The following TFCP2 variants were observed in gnomAD, a reference collection of about 807,000 sequenced individuals.
TFCP2 encodes alpha-globin transcription factor CP2.
Under a neutral mutation model 73.4 loss-of-function variants are expected in TFCP2, and 33 were observed. The ratio of observed to expected loss-of-function variants is 0.45; its 90% CI spans 0.34 to 0.60. The LOEUF (loss-of-function observed/expected upper bound fraction) is 0.60. TFCP2 is among the 20% of genes least tolerant of loss of function. TFCP2 has a pLI of 0.01. For missense variants in TFCP2, 352 were observed against 604.0 expected (o/e 0.58, Z 4.37); for synonymous variants, 193 against 211.6 (o/e 0.91, Z 0.76).
intron 1 of TFCP2, among the ~76,000 whole-genome samples, chr12:51,157,308 C>T (rs574938757): frequency 2.6e-5 from 4 of 152,216 alleles, no homozygotes; most frequent in Non-Finnish European, 4.4e-5. Flanking sequence ...AGGCGTGAGA[C>T]ACTGTGCCCG....
In TFCP2 at chr12:51,126,603, G is replaced by C. The variant is rs1483124006; in HGVS notation, c.123-7831C>G. Among the ~76,000 whole-genome samples, 4 of 152,210 alleles carry C rather than the reference G, an allele frequency of 2.6e-5. No homozygotes were observed. The East Asian group carries it at 5.8e-4, about 22-fold the overall frequency. ...GAAAAGGGAGAAGGAGAGGGTTGAA[G>C]AGTGTTACCTTGAGTAAGAAAGGCA... On this transcript the variant is annotated intron_variant, in intron 1 of 14. Transcript: ENST00000257915.
intron 1 of TFCP2, among the ~76,000 whole-genome samples, chr12:51,120,214 C>CAAA (rs1483325074): frequency 8.6e-6 from 1 of 116,882 alleles, no homozygotes; most frequent in African/African-American, 3.1e-5. Flanking sequence ...ACAACAACAA[C>CAAA]AACAAAAAAA....
At chr12:51,171,226 TC>T (rs1247619080) in intron 1 of TFCP2, among the ~76,000 whole-genome samples, 2 of 152,164 alleles carry the variant, frequency 1.3e-5, no homozygotes, top group African/African-American at 4.8e-5. Flanking sequence ...CCAATTATAG[TC>T]CATCTACCCC....
At chr12:51,107,192 TA>T in intron 7 of TFCP2, 43 bp downstream of exon 7, 2 of 1,505,876 alleles carry the variant, frequency 1.3e-6, no homozygotes, top group South Asian at 2.4e-5. Context: ...TTTTTAAGAT[TA>T]AAAATTATGA....
Position 51,102,021 on chromosome 12 carries a change from T to C in TFCP2, c.1065A>G (p.Ala355=). The C allele has an allele frequency of 1.9e-6, 3 of 1,606,762 alleles. No homozygotes were observed. Among genetic ancestry groups the C allele is most frequent in the Non-Finnish European group, 2.6e-6 (3 of 1,173,636 alleles). ...CATCTCTAGTTAATTTCAATAAATC[T>C]GCCCCTGGAATAAATATAAGAAAAT... ...FTRLFTNFSG[A]DLLKLTRDDV... is the part of the protein sequence containing the mutation. The change falls in exon 11 of 15, where the codon GCA becomes GCG. Residue 355 remains alanine, a synonymous_variant. Transcript: ENST00000257915.
In TFCP2 at chr12:51,096,223, T is replaced by C. The variant is rs1939963621; in HGVS notation, c.1420-183A>G. ...TTTTCCTCCCCTCCCATTTGGTTTTTAAATATTAAAAAACTAAGCAGATTG... is the reference window on the plus strand; with the variant it reads ...TTTTCCTCCCCTCCCATTTGGTTTTCAAATATTAAAAAACTAAGCAGATTG... On this transcript the variant is annotated intron_variant, in intron 13 of 14. Transcript: ENST00000257915. Among the ~76,000 whole-genome samples the C allele has an allele frequency of 3.3e-5, 5 of 152,194 alleles. No individual in the cohort carries two copies. In the South Asian group the frequency reaches 1.0e-3, roughly 31 times the overall value.
chr12:51,118,816 C>G, intron 1 of TFCP2, 44 bp from the exon 2 acceptor site: 1 of 1,602,168 alleles, frequency 6.2e-7, no homozygotes, highest in Non-Finnish European at 8.5e-7. Flanking sequence ...GGCAATGGTG[C>G]AAACGCAGGT....
At chr12:51,112,545 T>C (rs4768967) in intron 4 of TFCP2, among the ~76,000 whole-genome samples, 119,242 of 152,060 alleles carry the variant, frequency 0.78, 46,910 homozygotes, top group Admixed American at 0.83. Flanking sequence ...CATTATATCA[T>C]GAATGAAAGT....
At chr12:51,159,637 G>A (rs764566081) in intron 1 of TFCP2, among the ~76,000 whole-genome samples, 10 of 151,864 alleles carry the variant, frequency 6.6e-5, no homozygotes, top group South Asian at 2.1e-4. Flanking sequence ...AATTCCGACC[G>A]GAGCACAGAT....
chr12:51,111,100 T>A, intron 4 of TFCP2, 117 bp from the exon 5 acceptor site: 1 of 668,434 alleles, frequency 1.5e-6, no homozygotes, highest in Non-Finnish European at 2.5e-6. Context: ...TATCACATCC[T>A]AAATTTCTTT....
At chr12:51,155,195 G>A (rs1274507727) in intron 1 of TFCP2, among the ~76,000 whole-genome samples, 2 of 152,144 alleles carry the variant, frequency 1.3e-5, no homozygotes, top group Admixed American at 1.3e-4. Context: ...AGGTTTTCAG[G>A]CCTTCAGCCT....
chr12:51,108,831 C>T (rs2136971306), intron 6 of TFCP2, among the ~76,000 whole-genome samples: 1 of 152,232 alleles, frequency 6.6e-6, no homozygotes, highest in East Asian at 1.9e-4. Flanking sequence ...CATAACTAGT[C>T]AATTTTTGTG....
intron 11 of TFCP2, 140 bp downstream of exon 11, chr12:51,101,795 C>A: frequency 1.9e-6 from 1 of 521,572 alleles, no homozygotes; most frequent in East Asian, 2.9e-5. Flanking sequence ...TTTCTAAAAT[C>A]TTTATTTGGT....
chr12:51,109,715 ATTTTTT>A (rs10531546), intron 5 of TFCP2, among the ~76,000 whole-genome samples: 1 of 135,222 alleles, frequency 7.4e-6, no homozygotes, highest in African/African-American at 2.7e-5. Flanking sequence ...AGATTGGTGA[ATTTTTT>A]TTTTTTTTTT....
At chr12:51,153,705 C>T (rs1941478100) in intron 1 of TFCP2, among the ~76,000 whole-genome samples, 2 of 152,138 alleles carry the variant, frequency 1.3e-5, no homozygotes, top group South Asian at 4.2e-4. Context: ...AAAGTTTATC[C>T]ATATTATATT....
intron 1 of TFCP2, among the ~76,000 whole-genome samples, chr12:51,134,443 C>A (rs1941018206): frequency 6.6e-6 from 1 of 152,046 alleles, no homozygotes; most frequent in African/African-American, 2.4e-5. Flanking sequence ...CACCACCATG[C>A]CCACCTATTT....
In TFCP2 at chr12:51,117,730, G is replaced by C; in HGVS notation, c.292C>G (p.Arg98Gly). The change falls in exon 3 of 15, where the codon CGA (arginine) becomes GGA (glycine). Residue 98 changes from arginine (R) to glycine (G), a missense_variant. By Grantham distance (125) the Arg-to-Gly change is moderately radical. This residue lies in a region of TFCP2 where 76 missense variants were observed against 163.2 expected (regional missense o/e 0.47). Coordinates refer to ENST00000257915, the MANE Select transcript of TFCP2 (RefSeq NM_005653.5). ...CCAAGTTTCCTATTGTCTAGCATTC[G>C]AATTTCATAAGACTGTCCTAGAAGA... ...YLNQGQSYEIRMLDNRKLGEL... is the reference protein window; with the variant it reads ...YLNQGQSYEIGMLDNRKLGEL... 6.2e-7 allele frequency: 1 copy of C among 1,611,854 alleles called. No homozygotes were observed. The highest frequency in any genetic ancestry group is 8.5e-7 in the Non-Finnish European group (1 of 1,178,812).
At chr12:51,099,921 AT>A in intron 11 of TFCP2, 142 bp from the exon 12 acceptor site, 1 of 1,034,542 alleles carries the variant, frequency 9.7e-7, no homozygotes, top group Non-Finnish European at 1.4e-6. Flanking sequence ...TTAATTTGCT[AT>A]GTTTTATTAG....
At position 51,096,040 on chromosome 12, in the gene TFCP2, T is replaced by C. The variant is rs777662464; in HGVS notation, c.1420A>G (p.Met474Val). Reference protein sequence around the residue: ...TGIHVLISDEMIQNFQEEACF... With the variant: ...TGIHVLISDEVIQNFQEEACF... ...GCTTCTTCCTGAAAGTTCTGTATCATCTGAAAAATGCAAGAAAATTTGTGA... is the reference window on the plus strand; with the variant it reads ...GCTTCTTCCTGAAAGTTCTGTATCACCTGAAAAATGCAAGAAAATTTGTGA... The change falls in exon 14 of 15, where the codon ATG becomes GTG. Residue 474 changes from methionine to valine, a missense_variant and splice_region_variant. By Grantham distance (21) the Met-to-Val change is conservative. Transcript: ENST00000257915. 2 of 1,612,850 alleles carry C rather than the reference T, an allele frequency of 1.2e-6. No homozygotes were observed. The highest frequency in any genetic ancestry group is 2.2e-5 in the South Asian group (2 of 91,006).
Sources: allele counts gnomAD v4.1 joint callset (sites outside exome capture counted in the v4.1 genomes callset), GRCh38; gene constraint gnomAD v4.1.1; regional missense constraint gnomAD v4.1.1; transcripts MANE v1.5; gene names NCBI Gene and HGNC (gene_info 2026-07-23, HGNC 2026-07-21).